KCNIP4: variants seen among roughly 807,000 people sequenced by gnomAD.
KCNIP4 encodes the protein potassium voltage-gated channel interacting protein 4.
A neutral mutation model predicts 34.0 loss-of-function variants in KCNIP4; 12 were observed. The observed-to-expected ratio is 0.35, with a 90% CI of 0.23 to 0.57. The LOEUF (loss-of-function observed/expected upper bound fraction) is 0.57. KCNIP4 is among the 20% of genes least tolerant of loss of function. KCNIP4 has a pLI of 0.83. For synonymous variants in KCNIP4, 124 were observed against 102.2 expected, an observed-to-expected ratio of 1.21 and a Z score of -1.29; for missense variants, 238 against 311.7, an observed-to-expected ratio of 0.76 and a Z score of 1.78.
intron 1 of KCNIP4, among the ~76,000 whole-genome samples, chr4:21,782,364 C>T (rs931214277): frequency 1.3e-5 from 2 of 152,142 alleles, no homozygotes; most frequent in African/African-American, 4.8e-5. Flanking sequence ...CATCTAGGCA[C>T]TTATGCCAAA....
At chr4:21,128,435 T>A (rs2109161503) in intron 1 of KCNIP4, among the ~76,000 whole-genome samples, 1 of 152,294 alleles carries the variant, frequency 6.6e-6, no homozygotes, top group South Asian at 2.1e-4. Context: ...AAAAGAGCAT[T>A]TGTCACAGAT....
intron 1 of KCNIP4, among the ~76,000 whole-genome samples, chr4:21,106,326 G>A (rs1019959286): frequency 4.0e-5 from 6 of 151,684 alleles, no homozygotes; most frequent in Admixed American, 2.6e-4. Flanking sequence ...GTCTTGGGAG[G>A]AGGGTGTATG....
At chr4:21,438,645 T>G (rs758668306) in intron 1 of KCNIP4, among the ~76,000 whole-genome samples, 5 of 152,188 alleles carry the variant, frequency 3.3e-5, no homozygotes, top group Admixed American at 2.0e-4. Flanking sequence ...AATAGACTAT[T>G]AACAGAATAC....
chr4:21,178,760 T>C (rs16870541), intron 1 of KCNIP4, among the ~76,000 whole-genome samples: 10,739 of 151,816 alleles, frequency 0.071, 515 homozygotes, highest in South Asian at 0.15. Context: ...CCTGTGTCAC[T>C]GAGAAAAGGA....
chr4:21,507,157 A>G (rs1373906351), intron 1 of KCNIP4, among the ~76,000 whole-genome samples: 1 of 151,988 alleles, frequency 6.6e-6, no homozygotes, highest in Non-Finnish European at 1.5e-5. Flanking sequence ...TATTTTAAAC[A>G]TGCAATCAAT....
intron 1 of KCNIP4, among the ~76,000 whole-genome samples, chr4:21,705,831 T>G (rs958593055): frequency 2.0e-5 from 3 of 152,128 alleles, no homozygotes; most frequent in Non-Finnish European, 4.4e-5. Context: ...ATCAATCTGT[T>G]TGAAAAACCT....
At chr4:20,900,532 T>A (rs2149551064) in intron 1 of KCNIP4, among the ~76,000 whole-genome samples, 1 of 152,316 alleles carries the variant, frequency 6.6e-6, no homozygotes, top group Non-Finnish European at 1.5e-5. Flanking sequence ...TCTTCATAAA[T>A]AAATCATGAC....
intron 1 of KCNIP4, among the ~76,000 whole-genome samples, chr4:21,222,833 T>C (rs1257039250): frequency 6.6e-6 from 1 of 152,210 alleles, no homozygotes; most frequent in Non-Finnish European, 1.5e-5. Flanking sequence ...GAATCACAGT[T>C]GTGTTTTGCA....
At chr4:21,824,967 A>G (rs1722587125) in intron 1 of KCNIP4, among the ~76,000 whole-genome samples, 1 of 152,206 alleles carries the variant, frequency 6.6e-6, no homozygotes. Context: ...TGTTGCTTAA[A>G]TAACTATTAT....
intron 1 of KCNIP4, among the ~76,000 whole-genome samples, chr4:21,268,615 C>T (rs761789442): frequency 6.6e-6 from 1 of 152,194 alleles, no homozygotes; most frequent in African/African-American, 2.4e-5. Context: ...GACAGTGTTG[C>T]TTTCTGCTTC....
intron 3 of KCNIP4, among the ~76,000 whole-genome samples, chr4:20,767,894 A>G (rs1485868087): frequency 3.9e-5 from 6 of 152,220 alleles, no homozygotes; most frequent in Non-Finnish European, 7.3e-5. Context: ...GTAATGCCAC[A>G]TCTCTTAGGC....
At chr4:21,483,680 C>T (rs1731655542) in intron 1 of KCNIP4, among the ~76,000 whole-genome samples, 1 of 152,006 alleles carries the variant, frequency 6.6e-6, no homozygotes, top group Admixed American at 6.6e-5. Flanking sequence ...ATCCCAGCTA[C>T]TTGGGAGGCT....
intron 1 of KCNIP4, among the ~76,000 whole-genome samples, chr4:21,365,454 G>T (rs1243295695): frequency 6.9e-6 from 1 of 144,066 alleles, no homozygotes; most frequent in African/African-American, 2.6e-5. Flanking sequence ...CTCCAGCCTG[G>T]ATAACAGAGT....
chr4:21,477,259 G>T (rs1040059855), intron 1 of KCNIP4, among the ~76,000 whole-genome samples: 2 of 152,048 alleles, frequency 1.3e-5, no homozygotes, highest in African/African-American at 4.8e-5. Flanking sequence ...GCTCCCTAGG[G>T]CAACTTTGCA....
At chr4:21,364,785 T>C (rs1447771982) in intron 1 of KCNIP4, among the ~76,000 whole-genome samples, 1 of 151,846 alleles carries the variant, frequency 6.6e-6, no homozygotes, top group Non-Finnish European at 1.5e-5. Flanking sequence ...ACAAGAACAA[T>C]GAGAAATAAA....
intron 1 of KCNIP4, among the ~76,000 whole-genome samples, chr4:20,890,965 A>T (rs777052307): frequency 1.3e-5 from 2 of 152,204 alleles, no homozygotes; most frequent in Non-Finnish European, 2.9e-5. Context: ...AGGAAATGCC[A>T]TCACATGTCA....
chr4:21,806,663 G>T (rs1246311148), intron 1 of KCNIP4, among the ~76,000 whole-genome samples: 3 of 151,966 alleles, frequency 2.0e-5, no homozygotes, highest in African/African-American at 7.3e-5. Context: ...TGACCTGTTG[G>T]GTTAGACATT....
rs1389556457 is a variant in KCNIP4, at chr4:21,387,626, A to G, written c.62-504917T>C. Among the ~76,000 whole-genome samples the G allele has an allele frequency of 2.0e-5, 3 of 152,190 alleles. No individual in the cohort carries two copies. In the East Asian group the frequency reaches 5.8e-4, roughly 29 times the overall value. On this transcript the variant is annotated intron_variant, in intron 1 of 8. Coordinates refer to ENST00000382152, the MANE Select transcript of KCNIP4 (RefSeq NM_025221.6). ...AATTCCTGGCTCAGAAGGTGAACCA[A>G]TATGAATCCTTTCTTGAATCTAATC...
At chr4:21,732,683 C>CA (rs1560673556) in intron 1 of KCNIP4, among the ~76,000 whole-genome samples, 1 of 103,780 alleles carries the variant, frequency 9.6e-6, no homozygotes, top group Non-Finnish European at 1.7e-5. Flanking sequence ...CTGGGGTATT[C>CA]GGTCTTGCCT....
Sources: allele counts gnomAD v4.1 joint callset (sites outside exome capture counted in the v4.1 genomes callset), GRCh38; gene constraint gnomAD v4.1.1; transcripts MANE v1.5; gene names NCBI Gene and HGNC (gene_info 2026-07-23, HGNC 2026-07-21).